Variants in BCO1 observed in about 807,000 individuals in gnomAD.
BCO1 encodes the protein beta-carotene oxygenase 1.
BCO1 carries 54 observed loss-of-function variants against 56.3 expected under a neutral mutation model. The ratio of observed to expected loss-of-function variants is 0.96; its 90% CI spans 0.77 to 1.20. The LOEUF (loss-of-function observed/expected upper bound fraction) is 1.20, where lower values mean the gene tolerates loss of function less well. BCO1 is among the 50% of genes most tolerant of loss of function. The probability of loss-of-function intolerance (pLI) is 0.00; values close to 1 mark genes in which losing one functional copy is unlikely to be tolerated. For missense variants in BCO1, 801 were observed against 690.9 expected (o/e 1.16, Z -1.79); for synonymous variants, 318 against 266.1 (o/e 1.20, Z -1.90).
In BCO1 at chr16:81,250,582, T is replaced by A. The variant is rs1204455922; in HGVS notation, c.193+4979T>A. The stretch of plus-strand genomic sequence containing the variant: ...GTGCCTCCTTTCTCAATAAAGCTTT[T>A]TTTTTTTTTTTTTTTTGAGATGGAG... On this transcript the variant is annotated intron_variant, in intron 2 of 10. Coordinates refer to ENST00000258168, the MANE Select transcript of BCO1 (RefSeq NM_017429.3). Among the ~76,000 whole-genome samples, 16 of 145,720 alleles carry A rather than the reference T, an allele frequency of 1.1e-4. 1 individual carries two copies. In the South Asian group the frequency reaches 3.6e-3, roughly 33 times the overall value.
intron 1 of BCO1, among the ~76,000 whole-genome samples, chr16:81,240,720 A>T (rs533624351): frequency 6.6e-5 from 10 of 152,172 alleles, no homozygotes; most frequent in East Asian, 3.9e-4. Context: ...AATAAATAAA[A>T]AAAAACCAGG....
chr16:81,270,366 A>C lies in BCO1; in HGVS notation c.1051A>C (p.Thr351Pro). The change falls in exon 7 of 11, where the codon ACC becomes CCC. Residue 351 changes from threonine to proline, a missense_variant. By Grantham distance (38) the Thr-to-Pro change is conservative. Coordinates refer to ENST00000258168, the MANE Select transcript of BCO1 (RefSeq NM_017429.3). ...NQDFKENSRL[T>P]SVPTLRRFAV... ...GGACTTCAAGGAGAACTCCAGGCTC[A>C]CCTCGGTCCCCACCCTCAGGAGGTT... 1.9e-6 allele frequency: 3 copies of C among 1,614,046 alleles called. No individual in the cohort carries two copies. Among genetic ancestry groups the C allele is most frequent in the Non-Finnish European group, 2.5e-6 (3 of 1,180,008 alleles).
chr16:81,239,056 G>A (rs1300393322), intron 1 of BCO1, 84 bp downstream of exon 1: 69 of 1,254,270 alleles, frequency 5.5e-5, no homozygotes, highest in African/African-American at 3.4e-4. Flanking sequence ...TCGCTCTGTC[G>A]CCCGGGCTGG....
At chr16:81,254,005 T>G (rs1905970973) in intron 2 of BCO1, among the ~76,000 whole-genome samples, 1 of 152,150 alleles carries the variant, frequency 6.6e-6, no homozygotes, top group African/African-American at 2.4e-5. Context: ...ATTCACACAG[T>G]AACCACCCCT....
intron 7 of BCO1, among the ~76,000 whole-genome samples, chr16:81,278,790 C>G (rs1223372814): frequency 6.6e-6 from 1 of 152,226 alleles, no homozygotes; most frequent in Admixed American, 6.5e-5. Context: ...GCCCCAGGCA[C>G]AGGGTCTGCT....
chr16:81,251,527 T>C (rs1905797833), intron 2 of BCO1, among the ~76,000 whole-genome samples: 1 of 151,884 alleles, frequency 6.6e-6, no homozygotes, highest in Non-Finnish European at 1.5e-5. Context: ...ACCTCTGCAC[T>C]CCATCCTGGG....
chr16:81,238,892 C>T lies in BCO1; in HGVS notation c.-17C>T, dbSNP rs754613487. On this transcript the variant is annotated 5_prime_UTR_variant, in exon 1 of 11. Transcript: ENST00000258168. Reference sequence around the variant, plus strand: ...CCTGTTTGCTGTTAAAATCGATCTCCCTCGGCACCCTGAGCAATGGATATA... The same window carrying T: ...CCTGTTTGCTGTTAAAATCGATCTCTCTCGGCACCCTGAGCAATGGATATA... 5.6e-6 allele frequency: 9 copies of T among 1,613,574 alleles called. No individual in the cohort carries two copies. The highest frequency in any genetic ancestry group is 1.3e-5 in the African/African-American group (1 of 74,880).
At chr16:81,279,377 A>G (rs189689486) in intron 7 of BCO1, among the ~76,000 whole-genome samples, 18 of 152,312 alleles carry the variant, frequency 1.2e-4, no homozygotes, top group South Asian at 6.2e-4. Context: ...TTGTTCCTCA[A>G]TATCTTCCAG....
In BCO1 at chr16:81,281,048, C is replaced by G. The variant is rs1907853970; in HGVS notation, c.1207+86C>G. The G allele has an allele frequency of 1.3e-5, 13 of 966,366 alleles. No homozygotes were observed. The South Asian group carries it at 1.8e-4, about 13-fold the overall frequency. The allele number at this position is 966,366 out of a possible 1,614,324, so 59.9% of individuals were successfully genotyped here. A position where few individuals can be genotyped will look rare whatever the true frequency, so the allele number is the denominator to read the frequency against. On this transcript the variant is annotated intron_variant, in intron 8 of 10. Coordinates refer to ENST00000258168, the MANE Select transcript of BCO1 (RefSeq NM_017429.3). ...AGGCCTCTTTACATAATAATTCCCT[C>G]CTGTGCATGGACAAGGGCCAAAAAG...
intron 2 of BCO1, among the ~76,000 whole-genome samples, chr16:81,256,270 C>T (rs1176899482): frequency 6.6e-6 from 1 of 152,096 alleles, no homozygotes; most frequent in Non-Finnish European, 1.5e-5. Flanking sequence ...TACTAGTTTC[C>T]TTTTCCTAAG....
chr16:81,246,517 G>A (rs1474795421), intron 2 of BCO1, among the ~76,000 whole-genome samples: 6 of 152,084 alleles, frequency 3.9e-5, no homozygotes, highest in Admixed American at 3.3e-4. Flanking sequence ...AGGTGGAAGA[G>A]TACAGGAATC....
chr16:81,281,447 C>CAAAAAT (rs1597373969), intron 8 of BCO1, among the ~76,000 whole-genome samples: 1 of 151,938 alleles, frequency 6.6e-6, no homozygotes, highest in South Asian at 2.1e-4. Context: ...CACTGTCTCA[C>CAAAAAT]AAAAATAAAA....
At position 81,290,657 on chromosome 16, in the gene BCO1, C is replaced by G. The variant is rs1005973963; in HGVS notation, c.*80C>G. On this transcript the variant is annotated 3_prime_UTR_variant, in exon 11 of 11. Coordinates refer to ENST00000258168, the MANE Select transcript of BCO1 (RefSeq NM_017429.3). ...ATGTTTCTTTGGATGGAGGGGAGGG[C>G]CTTTGTTACCTTTTGCACTTATTCT... The G allele has an allele frequency of 1.1e-4, 121 of 1,145,780 alleles. No individual in the cohort carries two copies. Among genetic ancestry groups the G allele is most frequent in the East Asian group, 3.1e-4 (13 of 42,310 alleles). 71.0% of individuals were successfully genotyped at this position (1,145,780 alleles called of 1,614,324 possible).
At chr16:81,274,565 C>T (rs1264374387) in intron 7 of BCO1, among the ~76,000 whole-genome samples, 3 of 152,068 alleles carry the variant, frequency 2.0e-5, no homozygotes, top group Non-Finnish European at 2.9e-5. Context: ...CGCCCAGCCC[C>T]CTAGCTTGTG....
chr16:81,290,217 T>C, intron 10 of BCO1, 131 bp from the exon 11 acceptor site: 1 of 814,038 alleles, frequency 1.2e-6, no homozygotes, highest in Non-Finnish European at 2.0e-6. Context: ...TGTTACAGTG[T>C]CTCAAATTCA....
chr16:81,265,130 G>A (rs574263375), intron 5 of BCO1, among the ~76,000 whole-genome samples: 12 of 149,678 alleles, frequency 8.0e-5, no homozygotes, highest in South Asian at 2.1e-4. Context: ...TCTACTCACC[G>A]TCCATCTATC....
intron 8 of BCO1, among the ~76,000 whole-genome samples, chr16:81,281,606 C>T (rs539116874): frequency 6.6e-5 from 10 of 152,252 alleles, no homozygotes; most frequent in Admixed American, 3.3e-4. Context: ...TAGGTGTTAT[C>T]GGCCCCGTAA....
chr16:81,262,336 C>T (rs1327702367), intron 4 of BCO1, 53 bp downstream of exon 4: 5 of 1,577,940 alleles, frequency 3.2e-6, no homozygotes, highest in East Asian at 2.2e-5. Flanking sequence ...AAGGGAGAGT[C>T]GGCGACGGCC....
intron 2 of BCO1, among the ~76,000 whole-genome samples, chr16:81,247,355 T>A (rs77899817): frequency 6.6e-6 from 1 of 152,242 alleles, no homozygotes; most frequent in Non-Finnish European, 1.5e-5. Flanking sequence ...ACCTGGTAGA[T>A]GCTTAAGAGA....
Sources: allele counts gnomAD v4.1 joint callset (sites outside exome capture counted in the v4.1 genomes callset), GRCh38; gene constraint gnomAD v4.1.1; transcripts MANE v1.5; gene names NCBI Gene and HGNC (gene_info 2026-07-23, HGNC 2026-07-21).